The following DOCK4 variants were observed in gnomAD, a reference collection of about 807,000 sequenced individuals.
DOCK4 encodes dedicator of cytokinesis protein 4.
A neutral mutation model predicts 268.1 loss-of-function variants in DOCK4; 97 were observed. The ratio of observed to expected loss-of-function variants is 0.36; its 90% CI spans 0.31 to 0.43. The LOEUF (loss-of-function observed/expected upper bound fraction) is 0.43, where lower values mean the gene tolerates loss of function less well. DOCK4 is among the 20% of genes least tolerant of loss of function. The pLI, the probability that DOCK4 is intolerant of heterozygous loss-of-function variation, is 1.00. For synonymous variants in DOCK4, 954 were observed against 887.2 expected (o/e 1.08, Z -1.34); for missense variants, 2,145 against 2,455.7 (o/e 0.87, Z 2.67).
chr7:111,971,501 G>A (rs1238679667), intron 8 of DOCK4: 4 of 198,098 alleles, frequency 2.0e-5, no homozygotes, highest in Non-Finnish European at 4.1e-5. Flanking sequence ...TTATGACGCA[G>A]GGCAGGCAGG....
intron 30 of DOCK4, among the ~76,000 whole-genome samples, chr7:111,802,912 A>G (rs1279844617): frequency 6.6e-6 from 1 of 152,166 alleles, no homozygotes; most frequent in African/African-American, 2.4e-5. Context: ...AGACATTGTT[A>G]TCAGTCTACT....
At chr7:112,046,542 T>G (rs537423797) in intron 1 of DOCK4, among the ~76,000 whole-genome samples, 1 of 152,116 alleles carries the variant, frequency 6.6e-6, no homozygotes, top group Admixed American at 6.6e-5. Context: ...GAAACTGGAT[T>G]TAACCCACTG....
At chr7:112,026,196 G>A (rs535096634) in intron 1 of DOCK4, among the ~76,000 whole-genome samples, 14 of 152,326 alleles carry the variant, frequency 9.2e-5, no homozygotes, top group African/African-American at 2.6e-4. Flanking sequence ...GAACCCAACC[G>A]CACAGCAGAA....
intron 26 of DOCK4, among the ~76,000 whole-genome samples, chr7:111,825,516 G>T (rs1490376873): frequency 6.6e-6 from 1 of 152,092 alleles, no homozygotes; most frequent in East Asian, 1.9e-4. Context: ...CTAAGTAACA[G>T]ATTCTTTTTA....
chr7:111,969,843 G>A (rs947561794), intron 8 of DOCK4, among the ~76,000 whole-genome samples: 6 of 152,182 alleles, frequency 3.9e-5, no homozygotes, highest in Non-Finnish European at 8.8e-5. Context: ...TTAAATGCAA[G>A]CTAAAGGAGA....
intron 30 of DOCK4, among the ~76,000 whole-genome samples, chr7:111,801,924 A>AC (rs2133862566): frequency 6.7e-6 from 1 of 149,628 alleles, no homozygotes; most frequent in Admixed American, 6.6e-5. Context: ...GATAGTCTTA[A>AC]CCTCCTGACC....
chr7:111,827,363 A>G (rs2133992172), intron 26 of DOCK4, among the ~76,000 whole-genome samples: 1 of 152,352 alleles, frequency 6.6e-6, no homozygotes, highest in East Asian at 1.9e-4. Flanking sequence ...AGGCAGGAAT[A>G]TTAAGAGCAT....
chr7:111,753,289 A>G (rs1054447818), intron 42 of DOCK4, among the ~76,000 whole-genome samples: 5 of 152,174 alleles, frequency 3.3e-5, no homozygotes, highest in Non-Finnish European at 7.3e-5. Context: ...AGCCTGAGCA[A>G]CATCGTGACA....
intron 7 of DOCK4, among the ~76,000 whole-genome samples, chr7:111,983,722 C>T (rs1798781616): frequency 6.6e-6 from 1 of 151,932 alleles, no homozygotes; most frequent in African/African-American, 2.4e-5. Context: ...GATTCACGGG[C>T]TTCAGTACTT....
intron 16 of DOCK4, among the ~76,000 whole-genome samples, chr7:111,877,758 T>A (rs759239165): frequency 6.6e-6 from 1 of 152,206 alleles, no homozygotes; most frequent in Non-Finnish European, 1.5e-5. Context: ...GTAAAAGCAA[T>A]TACAGACTTA....
At chr7:111,774,877 C>T (rs951058689) in intron 36 of DOCK4, among the ~76,000 whole-genome samples, 1 of 152,120 alleles carries the variant, frequency 6.6e-6, no homozygotes, top group Non-Finnish European at 1.5e-5. Flanking sequence ...GCCACTGTGG[C>T]GCAAAAGCAG....
At chr7:112,083,149 G>T (rs1255934801) in intron 1 of DOCK4, among the ~76,000 whole-genome samples, 1 of 151,806 alleles carries the variant, frequency 6.6e-6, no homozygotes, top group Admixed American at 6.6e-5. Context: ...ATTGCACTAA[G>T]GTAAAGTAAA....
intron 1 of DOCK4, among the ~76,000 whole-genome samples, chr7:112,138,014 T>A (rs1814526943): frequency 6.6e-6 from 1 of 152,210 alleles, no homozygotes; most frequent in South Asian, 2.1e-4. Context: ...ACCTCTAGAT[T>A]AAATAATTTC....
chr7:112,004,085 T>C lies in DOCK4; in HGVS notation c.84A>G (p.Glu28=). 1 of 1,603,824 alleles carries C rather than the reference T, an allele frequency of 6.2e-7. No homozygotes were observed. Among genetic ancestry groups the C allele is most frequent in the Non-Finnish European group, 8.5e-7 (1 of 1,174,988 alleles). Residue 28 remains glutamate (E), a synonymous_variant, in exon 2 of 53, where the codon GAA becomes GAG. Coordinates refer to ENST00000428084, the MANE Select transcript of DOCK4 (RefSeq NM_001363540.2). ...RGTVPYGLSL[E]IGDTVQILEK... is the part of the protein sequence containing the mutation. ...CCAGGATCTGAACTGTATCTCCAAT[T>C]TCCAATGACAGGCCATATGGAACGG...
At chr7:111,745,339 C>T (rs1298692565) in intron 44 of DOCK4, among the ~76,000 whole-genome samples, 1 of 152,100 alleles carries the variant, frequency 6.6e-6, no homozygotes, top group Non-Finnish European at 1.5e-5. Context: ...TCATTCATGC[C>T]TCATATTTGG....
intron 25 of DOCK4, 138 bp from the exon 26 acceptor site, chr7:111,834,824 T>G: frequency 1.9e-6 from 1 of 528,366 alleles, no homozygotes; most frequent in Non-Finnish European, 3.1e-6. Flanking sequence ...CTGTGAAGTC[T>G]TCTTAATATA....
chr7:112,105,917 C>G (rs1811111354), intron 1 of DOCK4, among the ~76,000 whole-genome samples: 1 of 152,132 alleles, frequency 6.6e-6, no homozygotes, highest in Non-Finnish European at 1.5e-5. Context: ...TCTTGAACTC[C>G]TGGGCTCAAG....
chr7:111,745,752 T>C (rs1445320293), intron 44 of DOCK4, among the ~76,000 whole-genome samples: 1 of 141,026 alleles, frequency 7.1e-6, no homozygotes, highest in Non-Finnish European at 1.5e-5. Context: ...AAGAGAACAT[T>C]CAAAGAATGT....
chr7:111,739,200 G>A lies in DOCK4; in HGVS notation c.5166C>T (p.Asn1722=). The change falls in exon 49 of 53, where the codon AAC becomes AAT. Residue 1722 remains asparagine (N), a synonymous_variant. Transcript: ENST00000428084. ...LSDKHKHSRE[N]SCLSPRERPC... The stretch of plus-strand genomic sequence containing the variant: ...GTCTCTCTCTTGGTGACAGGCAAGA[G>A]TTTTCTCGGGAATGTTTGTGTTTGT... 1 of 1,614,064 alleles carries A rather than the reference G, an allele frequency of 6.2e-7. No individual in the cohort carries two copies. Among genetic ancestry groups the A allele is most frequent in the Non-Finnish European group, 8.5e-7 (1 of 1,179,904 alleles).
Sources: gnomAD v4.1 joint callset for allele counts (sites outside exome capture counted in the v4.1 genomes callset) on GRCh38, gnomAD v4.1.1 for gene constraint, MANE v1.5 for transcripts, NCBI Gene and HGNC (gene_info 2026-07-23, HGNC 2026-07-21) for gene names.